Variants in FGFR1OP2 observed in about 807,000 individuals in gnomAD.
FGFR1OP2 encodes the protein FGFR1 oncogene partner 2.
FGFR1OP2 carries 17 observed loss-of-function variants against 35.2 expected under a neutral mutation model. The observed-to-expected ratio is 0.48, with a 90% CI of 0.33 to 0.73. FGFR1OP2 has a LOEUF of 0.73. Ranked by LOEUF, FGFR1OP2 falls within the 30% of genes least tolerant of loss-of-function variation. The pLI is 0.02. For missense variants in FGFR1OP2, 251 were observed against 307.3 expected, an observed-to-expected ratio of 0.82 and a Z score of 1.37; for synonymous variants, 105 against 104.6, an observed-to-expected ratio of 1.00 and a Z score of -0.03.
chr12:26,961,853 C>T (rs1262132182), intron 5 of FGFR1OP2: 1 of 152,216 alleles, frequency 6.6e-6, no homozygotes, highest in Non-Finnish European at 1.5e-5. Context: ...ACTCATTACC[C>T]TTACTCAGTT....
At chr12:26,941,802 A>T (rs1425577473) in intron 1 of FGFR1OP2, among the ~76,000 whole-genome samples, 1 of 152,170 alleles carries the variant, frequency 6.6e-6, no homozygotes, top group Non-Finnish European at 1.5e-5. Context: ...TGGCTTGAAA[A>T]TTTTAAAAAA....
At chr12:26,950,582 A>G (rs568661810) in intron 1 of FGFR1OP2, among the ~76,000 whole-genome samples, 1 of 152,278 alleles carries the variant, frequency 6.6e-6, no homozygotes, top group South Asian at 2.1e-4. Flanking sequence ...GCAGCATTTC[A>G]GAGAAGTGGA....
At position 26,957,760 on chromosome 12, in the gene FGFR1OP2, A is replaced by T; in HGVS notation, c.396+17A>T. The T allele has an allele frequency of 1.9e-6, 3 of 1,580,532 alleles. No homozygotes were observed. The highest frequency in any genetic ancestry group is 2.6e-6 in the Non-Finnish European group (3 of 1,165,216). On this transcript the variant is annotated intron_variant, in intron 4 of 6. Transcript: ENST00000229395. ...CACTCCAAGGTAATCCATTCTATAA[A>T]TGTGACCTGAAATGGAAAAGAGAGA...
intron 3 of FGFR1OP2, 89 bp from the exon 4 acceptor site, chr12:26,957,512 A>C (rs1939040443): frequency 2.6e-6 from 3 of 1,169,454 alleles, no homozygotes; most frequent in Non-Finnish European, 3.6e-6. Flanking sequence ...TCTTTTTAAA[A>C]TGTCCCGTTC....
At position 26,966,278 on chromosome 12, in the gene FGFR1OP2, A is replaced by G. The variant is rs1939180124; in HGVS notation, c.*1545A>G. On this transcript the variant is annotated 3_prime_UTR_variant, in exon 7 of 7. Coordinates refer to ENST00000229395, the MANE Select transcript of FGFR1OP2 (RefSeq NM_015633.3). Reference sequence around the variant, plus strand: ...TTTTAAACTTTTTATTGTTTTTGGGAAAGTATTCCTTAATTTAATGACACA... The same window carrying G: ...TTTTAAACTTTTTATTGTTTTTGGGGAAGTATTCCTTAATTTAATGACACA... 6.6e-6 allele frequency: 1 copy of G among 152,018 alleles called. No individual in the cohort carries two copies. The highest frequency in any genetic ancestry group is 2.1e-4 in the South Asian group (1 of 4,828). The allele number at this position is 152,018 out of a possible 1,614,324, so 9.4% of individuals were successfully genotyped here. A position where few individuals can be genotyped will look rare whatever the true frequency, so the allele number is the denominator to read the frequency against.
chr12:26,939,708 T>C (rs1348027963), intron 1 of FGFR1OP2, among the ~76,000 whole-genome samples: 2 of 152,230 alleles, frequency 1.3e-5, no homozygotes, highest in African/African-American at 4.8e-5. Context: ...GGTTGTATTA[T>C]TTGTTTCTGT....
At chr12:26,960,777 T>G (rs980925516) in intron 5 of FGFR1OP2, 149 bp downstream of exon 5, 38 of 1,260,232 alleles carry the variant, frequency 3.0e-5, no homozygotes, top group Non-Finnish European at 4.0e-5. Context: ...AGCCATGCTG[T>G]TCAGTGTAGA....
At position 26,947,574 on chromosome 12, in the gene FGFR1OP2, G is replaced by A. The variant is rs548621443; in HGVS notation, c.-14-6571G>A. Among the ~76,000 whole-genome samples, 4 of 152,184 alleles carry A rather than the reference G, an allele frequency of 2.6e-5. No individual in the cohort carries two copies. In the East Asian group the frequency reaches 5.8e-4, roughly 22 times the overall value. ...TTTTTAAATTTTTTGTAGAGACAGG[G>A]TTTTGCCATGTTGCCCAGGCTGGTC... is the stretch of plus-strand genomic sequence containing the variant. On this transcript the variant is annotated intron_variant, in intron 1 of 6. Transcript: ENST00000229395.
chr12:26,944,125 C>T (rs1938783462), intron 1 of FGFR1OP2, among the ~76,000 whole-genome samples: 1 of 151,906 alleles, frequency 6.6e-6, no homozygotes, highest in South Asian at 2.1e-4. Flanking sequence ...GATTCTTATG[C>T]TTGTATCCTG....
chr12:26,957,593 C>G lies in FGFR1OP2; in HGVS notation c.254-8C>G. 6.2e-7 allele frequency: 1 copy of G among 1,602,420 alleles called. No homozygotes were observed. The highest frequency in any genetic ancestry group is 8.5e-7 in the Non-Finnish European group (1 of 1,175,094). On this transcript the variant is annotated splice_polypyrimidine_tract_variant and splice_region_variant and intron_variant, in intron 3 of 6. Coordinates refer to ENST00000229395, the MANE Select transcript of FGFR1OP2 (RefSeq NM_015633.3). ...AGTTGGAATAAAATACAATATTATT[C>G]TTGATAGAATTACGTACATCTCTGG...
At chr12:26,939,659 C>T (rs1378864913) in intron 1 of FGFR1OP2, among the ~76,000 whole-genome samples, 3 of 152,172 alleles carry the variant, frequency 2.0e-5, no homozygotes, top group African/African-American at 7.2e-5. Context: ...CCGCTGTGCT[C>T]CCAACGCATT....
chr12:26,942,479 T>C (rs913751157), intron 1 of FGFR1OP2, among the ~76,000 whole-genome samples: 4 of 152,184 alleles, frequency 2.6e-5, no homozygotes, highest in Non-Finnish European at 5.9e-5. Context: ...TACGTAACAG[T>C]TTGATTTTCC....
At chr12:26,952,691 G>A (rs959152745) in intron 1 of FGFR1OP2, among the ~76,000 whole-genome samples, 4 of 76,106 alleles carry the variant, frequency 5.3e-5, no homozygotes, top group South Asian at 3.9e-4. Flanking sequence ...TTTTTTTTTT[G>A]TATTGGAGGG....
chr12:26,945,178 A>G (rs1241648476), intron 1 of FGFR1OP2, among the ~76,000 whole-genome samples: 1 of 151,024 alleles, frequency 6.6e-6, no homozygotes, highest in Non-Finnish European at 1.5e-5. Context: ...TTTTTATTTC[A>G]TTAGGTTTTC....
chr12:26,954,172 T>C lies in FGFR1OP2; in HGVS notation c.14T>C (p.Ile5Thr), dbSNP rs755685647. The stretch of plus-strand genomic sequence containing the variant: ...ATATCTTTAGAAATGAGTTGCACAA[T>C]TGAGAAGGCACTTGCCGACGCTAAA... MSCT[I>T]EKALADAKAL... is the part of the protein sequence containing the mutation. Residue 5 changes from isoleucine (I) to threonine (T), a missense_variant, in exon 2 of 7, where the codon ATT becomes ACT. Coordinates refer to ENST00000229395, the MANE Select transcript of FGFR1OP2 (RefSeq NM_015633.3). The C allele has an allele frequency of 3.1e-6, 5 of 1,603,420 alleles. No homozygotes were observed. The highest frequency in any genetic ancestry group is 4.3e-6 in the Non-Finnish European group (5 of 1,175,858).
chr12:26,944,232 G>A (rs979422194), intron 1 of FGFR1OP2, among the ~76,000 whole-genome samples: 1 of 152,084 alleles, frequency 6.6e-6, no homozygotes, highest in African/African-American at 2.4e-5. Context: ...AAAAGGGGCC[G>A]TTTTATTTCT....
At chr12:26,963,535 T>C (rs1482513275) in intron 6 of FGFR1OP2, 80 bp downstream of exon 6, 4 of 893,972 alleles carry the variant, frequency 4.5e-6, no homozygotes, top group African/African-American at 1.7e-5. Flanking sequence ...TTTTTAAATA[T>C]ATATTTACTC....
At chr12:26,956,065 G>A (rs1440084416) in intron 2 of FGFR1OP2, among the ~76,000 whole-genome samples, 3 of 151,904 alleles carry the variant, frequency 2.0e-5, no homozygotes, top group Non-Finnish European at 4.4e-5. Flanking sequence ...TAGCATTAGT[G>A]TATTTTATGT....
chr12:26,952,921 G>A (rs1938955904), intron 1 of FGFR1OP2, among the ~76,000 whole-genome samples: 1 of 152,072 alleles, frequency 6.6e-6, no homozygotes, highest in Admixed American at 6.6e-5. Flanking sequence ...AGGAAACCCT[G>A]AAGAAAGGAT....
Sources: allele counts gnomAD v4.1 joint callset (sites outside exome capture counted in the v4.1 genomes callset), GRCh38; gene constraint gnomAD v4.1.1; transcripts MANE v1.5; gene names NCBI Gene and HGNC (gene_info 2026-07-23, HGNC 2026-07-21).